The following NPTN variants were observed in gnomAD, a reference collection of about 807,000 sequenced individuals.
NPTN encodes the protein SDR-1.
Under a neutral mutation model 42.7 loss-of-function variants are expected in NPTN, and 5 were observed. The ratio of observed to expected loss-of-function variants is 0.12; its 90% CI spans 0.06 to 0.25. The LOEUF is 0.25. NPTN is among the 10% of genes least tolerant of loss of function. NPTN has a pLI of 1.00. For missense variants in NPTN, 307 were observed against 525.4 expected (o/e 0.58, Z 4.06); for synonymous variants, 180 against 201.9 (o/e 0.89, Z 0.92).
At chr15:73,601,975 G>A (rs1181835581) in intron 1 of NPTN, among the ~76,000 whole-genome samples, 1 of 152,150 alleles carries the variant, frequency 6.6e-6, no homozygotes. Flanking sequence ...ACTAGCAGCC[G>A]GAGAAAAGGA....
intron 1 of NPTN, among the ~76,000 whole-genome samples, chr15:73,612,606 A>G (rs1463366336): frequency 6.6e-6 from 1 of 151,900 alleles, no homozygotes; most frequent in African/African-American, 2.4e-5. Context: ...CCTCTACTAA[A>G]AAAAATACAA....
chr15:73,581,265 T>C (rs1371966374), intron 4 of NPTN, among the ~76,000 whole-genome samples: 2 of 152,234 alleles, frequency 1.3e-5, no homozygotes, highest in Non-Finnish European at 2.9e-5. Context: ...AAGGGACTGC[T>C]TAACCAGATT....
At chr15:73,589,286 C>T (rs1408024184) in intron 3 of NPTN, among the ~76,000 whole-genome samples, 1 of 151,942 alleles carries the variant, frequency 6.6e-6, no homozygotes, top group Admixed American at 6.6e-5. Context: ...GAGCCATGAT[C>T]ATGCCACTGC....
intron 1 of NPTN, chr15:73,632,876 T>A (rs1024287907): frequency 1.8e-5 from 7 of 380,628 alleles, no homozygotes; most frequent in African/African-American, 6.3e-5. Context: ...CCCCACGACG[T>A]GGAGCCTCCG....
At chr15:73,575,279 G>C (rs753896608) in intron 4 of NPTN, among the ~76,000 whole-genome samples, 1 of 150,354 alleles carries the variant, frequency 6.7e-6, no homozygotes, top group Non-Finnish European at 1.5e-5. Context: ...CATCACGCCC[G>C]GCTAATTTTG....
chr15:73,629,733 T>C (rs1898630744), intron 1 of NPTN, among the ~76,000 whole-genome samples: 1 of 152,016 alleles, frequency 6.6e-6, no homozygotes, highest in Non-Finnish European at 1.5e-5. Context: ...CTAACATCTA[T>C]AACACTCCCA....
intron 2 of NPTN, among the ~76,000 whole-genome samples, chr15:73,595,417 C>G (rs934134064): frequency 6.6e-6 from 1 of 152,156 alleles, no homozygotes; most frequent in Non-Finnish European, 1.5e-5. Flanking sequence ...TTTCCAGAAG[C>G]AGGTTCTTTG....
chr15:73,581,419 C>CA (rs1490372853), intron 4 of NPTN, among the ~76,000 whole-genome samples: 1 of 152,154 alleles, frequency 6.6e-6, no homozygotes, highest in Non-Finnish European at 1.5e-5. Flanking sequence ...AACAAAGTAA[C>CA]AAAAAGACCC....
chr15:73,601,090 C>T (rs1304208266), intron 1 of NPTN, among the ~76,000 whole-genome samples: 4 of 152,180 alleles, frequency 2.6e-5, no homozygotes, highest in Non-Finnish European at 5.9e-5. Context: ...TCATTTCATT[C>T]GCACAGTTCC....
At chr15:73,613,678 A>G (rs1309928972) in intron 1 of NPTN, among the ~76,000 whole-genome samples, 2 of 152,110 alleles carry the variant, frequency 1.3e-5, no homozygotes, top group Non-Finnish European at 2.9e-5. Context: ...CGCGGTAACA[A>G]AATGCTGGAC....
At chr15:73,630,809 G>A (rs954716755) in intron 1 of NPTN, among the ~76,000 whole-genome samples, 1 of 152,312 alleles carries the variant, frequency 6.6e-6, no homozygotes, top group African/African-American at 2.4e-5. Context: ...CATGAAGTCA[G>A]ATCACTGCAG....
At chr15:73,580,482 A>AAT (rs550269780) in intron 4 of NPTN, among the ~76,000 whole-genome samples, 9 of 130,416 alleles carry the variant, frequency 6.9e-5, no homozygotes, top group Non-Finnish European at 7.7e-5. Flanking sequence ...TATATACATA[A>AAT]ATATATATAT....
At chr15:73,576,355 GTCTC>G (rs144821791) in intron 4 of NPTN, among the ~76,000 whole-genome samples, 2,484 of 152,262 alleles carry the variant, frequency 0.016, 17 homozygotes, top group East Asian at 0.027. Flanking sequence ...TTGAGATGCA[GTCTC>G]TCTCTGTTGG....
intron 1 of NPTN, chr15:73,599,458 AC>A (rs1218446805): frequency 2.0e-5 from 3 of 152,194 alleles, no homozygotes; most frequent in Admixed American, 2.0e-4. Flanking sequence ...TACTATAAAC[AC>A]AAAAATTAGT....
chr15:73,580,477 AC>A (rs1357511467), intron 4 of NPTN, among the ~76,000 whole-genome samples: 1 of 131,306 alleles, frequency 7.6e-6, no homozygotes, highest in African/African-American at 3.4e-5. Flanking sequence ...ATTTATATAT[AC>A]ATAAATATAT....
At chr15:73,585,974 C>T (rs1461008059) in intron 4 of NPTN, among the ~76,000 whole-genome samples, 1 of 152,222 alleles carries the variant, frequency 6.6e-6, no homozygotes, top group African/African-American at 2.4e-5. Flanking sequence ...CTAAACCCCA[C>T]CTTCGTAAGC....
chr15:73,608,289 C>A (rs1262554752), intron 1 of NPTN, among the ~76,000 whole-genome samples: 1 of 152,184 alleles, frequency 6.6e-6, no homozygotes, highest in Non-Finnish European at 1.5e-5. Context: ...TACAATACCA[C>A]TGACAACAGC....
intron 2 of NPTN, 66 bp downstream of exon 2, chr15:73,596,956 G>A: frequency 7.6e-7 from 1 of 1,319,922 alleles, no homozygotes; most frequent in Non-Finnish European, 1.1e-6. Context: ...AAAGGATGCA[G>A]AAGGGAAGGG....
At chr15:73,573,583 T>C in intron 5 of NPTN, 79 bp downstream of exon 5, 1 of 1,448,650 alleles carries the variant, frequency 6.9e-7, no homozygotes, top group East Asian at 2.6e-5. Context: ...ATACAGCTAC[T>C]ACAGTAACTG....
Sources: gnomAD v4.1 joint callset for allele counts (sites outside exome capture counted in the v4.1 genomes callset) on GRCh38, gnomAD v4.1.1 for gene constraint, MANE v1.5 for transcripts, NCBI Gene and HGNC (gene_info 2026-07-23, HGNC 2026-07-21) for gene names.